GABRB1: variants seen among roughly 807,000 people sequenced by gnomAD.
GABRB1 encodes the protein gamma-aminobutyric acid receptor subunit beta-1.
In GABRB1, 17 loss-of-function variants were observed where a neutral mutation model predicts 51.6. That is an observed-to-expected ratio of 0.33 (90% CI 0.23 to 0.49). GABRB1 has a LOEUF of 0.49. Ranked by LOEUF, GABRB1 falls within the 20% of genes least tolerant of loss-of-function variation. GABRB1 has a pLI of 0.99. For synonymous variants in GABRB1, 247 were observed against 218.9 expected, an observed-to-expected ratio of 1.13 and a Z score of -1.14; for missense variants, 410 against 600.6, an observed-to-expected ratio of 0.68 and a Z score of 3.32.
intron 5 of GABRB1, among the ~76,000 whole-genome samples, chr4:47,397,554 C>A (rs1442755254): frequency 6.6e-6 from 1 of 151,818 alleles, no homozygotes; most frequent in Non-Finnish European, 1.5e-5. Context: ...GGGCTAGTTG[C>A]TTCTTATTTC....
intron 4 of GABRB1, among the ~76,000 whole-genome samples, chr4:47,262,395 A>G (rs969865151): frequency 2.6e-5 from 4 of 152,230 alleles, no homozygotes; most frequent in Admixed American, 1.3e-4. Flanking sequence ...ATATGAACAG[A>G]CACTTCTCAA....
intron 4 of GABRB1, among the ~76,000 whole-genome samples, chr4:47,305,651 G>A (rs1347863296): frequency 6.6e-6 from 1 of 152,082 alleles, no homozygotes; most frequent in East Asian, 1.9e-4. Context: ...TGAGAAATGT[G>A]GAGAAATATG....
At chr4:47,123,249 A>G (rs1363247901) in intron 3 of GABRB1, among the ~76,000 whole-genome samples, 1 of 145,600 alleles carries the variant, frequency 6.9e-6, no homozygotes, top group Admixed American at 7.2e-5. Flanking sequence ...TCTTATACAT[A>G]CATATGTGTA....
At chr4:47,155,039 C>G (rs1456040171) in intron 3 of GABRB1, among the ~76,000 whole-genome samples, 1 of 152,036 alleles carries the variant, frequency 6.6e-6, no homozygotes, top group Non-Finnish European at 1.5e-5. Context: ...CTTTTTCGAG[C>G]CAGGCTTATG....
intron 3 of GABRB1, among the ~76,000 whole-genome samples, chr4:47,118,418 C>A (rs979151453): frequency 6.6e-6 from 1 of 152,058 alleles, no homozygotes; most frequent in Non-Finnish European, 1.5e-5. Context: ...TGACTTCACA[C>A]CTTTTCATGT....
chr4:47,106,019 A>C (rs1714953512), intron 3 of GABRB1, among the ~76,000 whole-genome samples: 1 of 152,136 alleles, frequency 6.6e-6, no homozygotes, highest in East Asian at 1.9e-4. Context: ...ACTTTTCCTT[A>C]AATTTTAAAT....
chr4:47,345,349 G>T (rs1286513733), intron 5 of GABRB1, among the ~76,000 whole-genome samples: 1 of 152,130 alleles, frequency 6.6e-6, no homozygotes, highest in Non-Finnish European at 1.5e-5. Context: ...ACTTGTCAAA[G>T]ACTTACACCA....
chr4:47,356,338 C>T (rs1726575248), intron 5 of GABRB1, among the ~76,000 whole-genome samples: 1 of 152,112 alleles, frequency 6.6e-6, no homozygotes, highest in Non-Finnish European at 1.5e-5. Flanking sequence ...AATTTTTCTT[C>T]CCGAAAACTT....
At chr4:47,112,033 G>A (rs540443643) in intron 3 of GABRB1, among the ~76,000 whole-genome samples, 59 of 148,062 alleles carry the variant, frequency 4.0e-4, no homozygotes, top group African/African-American at 1.3e-3. Context: ...GCAGTGGCAC[G>A]ATCTCGGCTC....
At chr4:47,023,387 T>A (rs987252119) in intron 1 of GABRB1, among the ~76,000 whole-genome samples, 79 of 152,062 alleles carry the variant, frequency 5.2e-4, no homozygotes, top group African/African-American at 1.9e-3. Context: ...CCTTTCTGCA[T>A]CATTCTTATT....
chr4:47,412,380 A>G (rs1728786396), intron 8 of GABRB1, among the ~76,000 whole-genome samples: 1 of 152,156 alleles, frequency 6.6e-6, no homozygotes. Context: ...ATGTTTTATA[A>G]AACTCGTACA....
At chr4:47,193,086 G>A (rs1193521737) in intron 4 of GABRB1, among the ~76,000 whole-genome samples, 4 of 152,116 alleles carry the variant, frequency 2.6e-5, no homozygotes, top group Non-Finnish European at 4.4e-5. Flanking sequence ...ATAAATATGA[G>A]CTTGTAATTA....
intron 4 of GABRB1, among the ~76,000 whole-genome samples, chr4:47,233,748 TGTA>T (rs879294154): frequency 5.4e-4 from 83 of 152,310 alleles, no homozygotes; most frequent in Middle Eastern, 3.4e-3. Flanking sequence ...CAATTTGAAA[TGTA>T]GTACATTTTA....
intron 4 of GABRB1, among the ~76,000 whole-genome samples, chr4:47,279,360 A>C (rs1286521432): frequency 6.6e-6 from 1 of 152,164 alleles, no homozygotes; most frequent in African/African-American, 2.4e-5. Flanking sequence ...CGAATAGAAT[A>C]AAATAAGACT....
intron 4 of GABRB1, among the ~76,000 whole-genome samples, chr4:47,285,601 C>G (rs987310370): frequency 6.6e-6 from 1 of 152,144 alleles, no homozygotes; most frequent in African/African-American, 2.4e-5. Flanking sequence ...GGAGTTGGTT[C>G]CTAGAGTGGT....
intron 5 of GABRB1, among the ~76,000 whole-genome samples, chr4:47,353,688 A>T (rs1279273487): frequency 6.6e-6 from 1 of 152,212 alleles, no homozygotes; most frequent in Non-Finnish European, 1.5e-5. Flanking sequence ...AGGCATACAC[A>T]TACATGGTTT....
intron 3 of GABRB1, among the ~76,000 whole-genome samples, chr4:47,069,645 G>A (rs1727230153): frequency 6.6e-6 from 1 of 152,000 alleles, no homozygotes; most frequent in African/African-American, 2.4e-5. Context: ...CTTTAAATAT[G>A]TTCTCCTGAT....
At chr4:47,091,384 G>A (rs1210582371) in intron 3 of GABRB1, among the ~76,000 whole-genome samples, 1 of 151,842 alleles carries the variant, frequency 6.6e-6, no homozygotes, top group Non-Finnish European at 1.5e-5. Flanking sequence ...AAAACATAAT[G>A]GTATACAGCA....
intron 3 of GABRB1, among the ~76,000 whole-genome samples, chr4:47,093,105 C>T (rs1714189477): frequency 6.6e-6 from 1 of 152,172 alleles, no homozygotes; most frequent in Non-Finnish European, 1.5e-5. Flanking sequence ...ACAGAAATTT[C>T]TGGAGAAAAT....
Sources: gnomAD v4.1 joint callset for allele counts (sites outside exome capture counted in the v4.1 genomes callset) on GRCh38, gnomAD v4.1.1 for gene constraint, MANE v1.5 for transcripts, NCBI Gene and HGNC (gene_info 2026-07-23, HGNC 2026-07-21) for gene names.